Variants in CSNK1G1 observed in about 807,000 individuals in gnomAD.
The protein encoded by CSNK1G1 is casein kinase I isoform gamma-1.
A neutral mutation model predicts 59.6 loss-of-function variants in CSNK1G1; 22 were observed. The observed-to-expected ratio is 0.37, with a 90% CI of 0.26 to 0.53. CSNK1G1 has a LOEUF of 0.53. CSNK1G1 is among the 20% of genes least tolerant of loss of function. The pLI is 0.89. For synonymous variants in CSNK1G1, 179 were observed against 177.1 expected (o/e 1.01, Z -0.08); for missense variants, 384 against 519.5 (o/e 0.74, Z 2.54).
chr15:64,298,033 G>C lies in CSNK1G1; in HGVS notation c.181+2286C>G, dbSNP rs116513548. Among the ~76,000 whole-genome samples the C allele has an allele frequency of 8.3e-3, 1,261 of 152,244 alleles. 17 individuals are homozygous for C. The highest frequency in any genetic ancestry group is 0.029 in the African/African-American group (1,207 of 41,544). On this transcript the variant is annotated intron_variant, in intron 2 of 11. Coordinates refer to ENST00000303052, the MANE Select transcript of CSNK1G1 (RefSeq NM_022048.5). ...AGAGAAGAGTAAAAGCACATGAAAAGAAAGACAAGTTCTTCTGACTACAGG... is the reference window on the plus strand; with the variant it reads ...AGAGAAGAGTAAAAGCACATGAAAACAAAGACAAGTTCTTCTGACTACAGG...
chr15:64,320,426 C>G (rs1896498345), intron 1 of CSNK1G1, among the ~76,000 whole-genome samples: 1 of 151,962 alleles, frequency 6.6e-6, no homozygotes, highest in African/African-American at 2.4e-5. Flanking sequence ...CGCCTGTAAT[C>G]CCAGCACTTT....
chr15:64,314,541 C>T (rs1896165874), intron 1 of CSNK1G1, among the ~76,000 whole-genome samples: 2 of 145,976 alleles, frequency 1.4e-5, no homozygotes, highest in Non-Finnish European at 3.0e-5. Flanking sequence ...CAAAAACTAT[C>T]TTCACCACAC....
intron 4 of CSNK1G1, among the ~76,000 whole-genome samples, chr15:64,246,645 G>A (rs1337815672): frequency 1.4e-5 from 2 of 145,638 alleles, no homozygotes; most frequent in Non-Finnish European, 3.1e-5. Flanking sequence ...AAAAAGGGGG[G>A]GGGGGAGGAA....
intron 2 of CSNK1G1, among the ~76,000 whole-genome samples, chr15:64,269,601 C>A (rs1366921012): frequency 1.3e-5 from 2 of 150,172 alleles, no homozygotes; most frequent in East Asian, 3.9e-4. Context: ...TCAAGCGATT[C>A]TCCTGCCTCA....
chr15:64,274,244 A>G (rs1465493327), intron 2 of CSNK1G1, among the ~76,000 whole-genome samples: 1 of 152,252 alleles, frequency 6.6e-6, no homozygotes. Flanking sequence ...ATGCATCATT[A>G]AAATTTTACA....
rs575397433 is a variant in CSNK1G1, at chr15:64,337,773, C to A, written c.-225+18215G>T. 1.1e-3 allele frequency among the ~76,000 whole-genome samples: 173 copies of A among 152,298 alleles called. 1 individual carries two copies. The highest frequency in any genetic ancestry group is 1.9e-3 in the South Asian group (9 of 4,832). ...CCCAAAATATTCTCATTATCCTCAA[C>A]ATTAATTCTGTACCCATTAAACAAT... On this transcript the variant is annotated intron_variant, in intron 1 of 11. Transcript: ENST00000303052.
rs368378053 is a variant in CSNK1G1, at chr15:64,217,546, G to A, written c.293-833C>T. On this transcript the variant is annotated intron_variant, in intron 4 of 11. Coordinates refer to ENST00000303052, the MANE Select transcript of CSNK1G1 (RefSeq NM_022048.5). The stretch of plus-strand genomic sequence containing the variant: ...TTAAATAGGATTACAGACGCCAGGC[G>A]CAGTGGCTCATGCCTGTAAGTCCAG... Among the ~76,000 whole-genome samples the A allele has an allele frequency of 1.4e-3, 208 of 152,278 alleles. 4 individuals carry two copies. The South Asian group carries it at 0.022, about 16-fold the overall frequency.
At chr15:64,242,290 A>C (rs1438100166) in intron 4 of CSNK1G1, among the ~76,000 whole-genome samples, 1 of 152,220 alleles carries the variant, frequency 6.6e-6, no homozygotes, top group Non-Finnish European at 1.5e-5. Context: ...GTGGAATTGT[A>C]ATCTCCAATG....
rs184784825 is a variant in CSNK1G1 at position 64,317,567 on chromosome 15, T to G, written c.-224-16844A>C. On this transcript the variant is annotated intron_variant, in intron 1 of 11. Coordinates refer to ENST00000303052, the MANE Select transcript of CSNK1G1 (RefSeq NM_022048.5). ...TTTTAATGTGGTGAATTACATTTCA[T>G]CTGTTTTTACTTATTTGTTTTCAAC... 7.9e-5 allele frequency among the ~76,000 whole-genome samples: 12 copies of G among 150,948 alleles called. No individual in the cohort carries two copies. In the East Asian group the frequency reaches 2.2e-3, roughly 27 times the overall value.
chr15:64,268,473 A>G (rs1404028398), intron 2 of CSNK1G1, among the ~76,000 whole-genome samples: 1 of 152,196 alleles, frequency 6.6e-6, no homozygotes, highest in Non-Finnish European at 1.5e-5. Flanking sequence ...AACACTGATG[A>G]GAAAAAAAAT....
intron 1 of CSNK1G1, among the ~76,000 whole-genome samples, chr15:64,344,201 C>T (rs146029794): frequency 7.2e-5 from 11 of 152,174 alleles, no homozygotes; most frequent in Admixed American, 2.6e-4. Flanking sequence ...AGAATCAAAG[C>T]GCACATATTT....
At position 64,332,581 on chromosome 15, in the gene CSNK1G1, G is replaced by C. The variant is rs942446098; in HGVS notation, c.-225+23407C>G. Among the ~76,000 whole-genome samples, 3 of 145,926 alleles carry C rather than the reference G, an allele frequency of 2.1e-5. No homozygotes were observed. The Admixed American group carries it at 2.1e-4, about 10-fold the overall frequency. On this transcript the variant is annotated intron_variant, in intron 1 of 11. Coordinates refer to ENST00000303052, the MANE Select transcript of CSNK1G1 (RefSeq NM_022048.5). ...GGAGATATACCTAATGCTAGATGACGAGTTAGTGGGTGCAGCGCACCAGCA... is the reference window on the plus strand; with the variant it reads ...GGAGATATACCTAATGCTAGATGACCAGTTAGTGGGTGCAGCGCACCAGCA...
intron 2 of CSNK1G1, among the ~76,000 whole-genome samples, chr15:64,277,061 T>C (rs1292639655): frequency 1.3e-5 from 2 of 152,152 alleles, no homozygotes; most frequent in East Asian, 1.9e-4. Flanking sequence ...CGTCAGTGAC[T>C]TGAACTTGAT....
intron 2 of CSNK1G1, among the ~76,000 whole-genome samples, chr15:64,278,618 A>G (rs1437978524): frequency 1.3e-5 from 2 of 151,830 alleles, no homozygotes; most frequent in Non-Finnish European, 2.9e-5. Context: ...TAGTAGAGAC[A>G]GGGTTTCACC....
intron 2 of CSNK1G1, among the ~76,000 whole-genome samples, chr15:64,274,362 A>G (rs962125450): frequency 6.6e-6 from 1 of 152,238 alleles, no homozygotes; most frequent in South Asian, 2.1e-4. Context: ...ATTTAATTAC[A>G]AAGATTATGT....
chr15:64,218,682 C>CCCGG (rs1271004272), intron 4 of CSNK1G1, among the ~76,000 whole-genome samples: 36 of 152,126 alleles, frequency 2.4e-4, no homozygotes, highest in Admixed American at 2.4e-3. Context: ...AGCTACCATG[C>CCCGG]CCGGCCTAAA....
chr15:64,173,910 G>A (rs1379911020), intron 11 of CSNK1G1, among the ~76,000 whole-genome samples: 3 of 151,966 alleles, frequency 2.0e-5, no homozygotes, highest in African/African-American at 7.3e-5. Flanking sequence ...CACTATGCCT[G>A]GCCCAAATAG....
chr15:64,267,910 T>A (rs2140343592), intron 2 of CSNK1G1, among the ~76,000 whole-genome samples: 1 of 151,480 alleles, frequency 6.6e-6, no homozygotes, highest in South Asian at 2.1e-4. Flanking sequence ...AGCCCAGGAG[T>A]TCAAGACCAG....
intron 10 of CSNK1G1, among the ~76,000 whole-genome samples, chr15:64,184,653 G>C (rs2081866064): frequency 7.1e-6 from 1 of 140,434 alleles, no homozygotes; most frequent in East Asian, 2.0e-4. Flanking sequence ...CCCCAGCCTG[G>C]ACAACAATGC....
Sources: gnomAD v4.1 joint callset for allele counts (sites outside exome capture counted in the v4.1 genomes callset) on GRCh38, gnomAD v4.1.1 for gene constraint, MANE v1.5 for transcripts, NCBI Gene and HGNC (gene_info 2026-07-23, HGNC 2026-07-21) for gene names.